Variants in TMEM71 observed in about 807,000 individuals in gnomAD.
TMEM71 encodes transmembrane protein 71.
TMEM71 carries 44 observed loss-of-function variants against 38.0 expected under a neutral mutation model. That is an observed-to-expected ratio of 1.16 (90% CI 0.91 to 1.49). The LOEUF is 1.49. Among genes scored for constraint, TMEM71 ranks in the 40% most tolerant of loss-of-function variants. TMEM71 has a pLI of 0.00. For missense variants in TMEM71, 367 were observed against 348.6 expected (o/e 1.05, Z -0.42); for synonymous variants, 133 against 122.5 (o/e 1.09, Z -0.56).
chr8:132,726,117 G>A (rs2131054256), intron 6 of TMEM71, among the ~76,000 whole-genome samples: 1 of 152,242 alleles, frequency 6.6e-6, no homozygotes, highest in East Asian at 1.9e-4. Context: ...TGCAAATAAT[G>A]GGCATGAGAA....
chr8:132,733,409 G>T (rs987392505), intron 5 of TMEM71, among the ~76,000 whole-genome samples: 12 of 152,162 alleles, frequency 7.9e-5, no homozygotes, highest in African/African-American at 2.9e-4. Flanking sequence ...GTCAGTATTT[G>T]CCACCACGGA....
chr8:132,764,682 G>A (rs1829342040), upstream of TMEM71, among the ~76,000 whole-genome samples: 1 of 152,156 alleles, frequency 6.6e-6, no homozygotes, highest in African/African-American at 2.4e-5. Context: ...CTTTCTGAAA[G>A]AGCTTTTTCT....
chr8:132,707,181 C>A (rs1826106297), downstream of TMEM71, among the ~76,000 whole-genome samples: 2 of 152,020 alleles, frequency 1.3e-5, no homozygotes, highest in South Asian at 2.1e-4. Flanking sequence ...CAAATAAAAC[C>A]AGGCAGAGCT....
At chr8:132,728,106 A>G (rs1827256378) in intron 5 of TMEM71, 120 bp from the exon 6 acceptor site, 9 of 718,346 alleles carry the variant, frequency 1.3e-5, no homozygotes, top group South Asian at 6.1e-5. Flanking sequence ...AGTAATATTG[A>G]TACGGTATTG....
At chr8:132,752,828 A>G (rs960697633) in intron 3 of TMEM71, among the ~76,000 whole-genome samples, 10 of 118,422 alleles carry the variant, frequency 8.4e-5, no homozygotes, top group Non-Finnish European at 1.4e-4. Flanking sequence ...GGGAAGGAAG[A>G]AAGGAAGGAA....
chr8:132,760,551 GT>G lies in TMEM71; in HGVS notation c.-113del, dbSNP rs1340620290. ...GAAGTTTTGTCTTCGGCAGCCTCTT[GT>G]TCTCTTGTCTGTTTCCTGGTATAAA... is the stretch of plus-strand genomic sequence containing the variant. On this transcript the variant is annotated 5_prime_UTR_variant, in exon 1 of 10. Coordinates refer to ENST00000677595, the MANE Select transcript of TMEM71 (RefSeq NM_001382403.1). 1 of 152,268 alleles carries G rather than the reference GT, an allele frequency of 6.6e-6. No homozygotes were observed. The highest frequency in any genetic ancestry group is 2.4e-5 in the African/African-American group (1 of 41,474). The allele number at this position is 152,268 out of a possible 1,614,324, so 9.4% of individuals were successfully genotyped here. A position where few individuals can be genotyped will look rare whatever the true frequency, so the allele number is the denominator to read the frequency against.
intron 5 of TMEM71, among the ~76,000 whole-genome samples, chr8:132,746,688 T>C (rs1586801653): frequency 1.3e-5 from 2 of 152,026 alleles, no homozygotes; most frequent in South Asian, 4.1e-4. Context: ...AGTGGAGATG[T>C]GCAAATATTT....
At chr8:132,757,036 G>C (rs995793688) in intron 3 of TMEM71, among the ~76,000 whole-genome samples, 198 bp downstream of exon 3, 3 of 147,252 alleles carry the variant, frequency 2.0e-5, no homozygotes, top group Non-Finnish European at 1.5e-5. Flanking sequence ...GCAGGGGCCC[G>C]CCACCACGCA....
intron 9 of TMEM71, among the ~76,000 whole-genome samples, chr8:132,712,509 T>C (rs1826287493): frequency 6.6e-6 from 1 of 152,134 alleles, no homozygotes; most frequent in African/African-American, 2.4e-5. Flanking sequence ...ACTGACCTCC[T>C]TGTGCTCCCC....
chr8:132,736,406 T>C (rs923553420), intron 5 of TMEM71, among the ~76,000 whole-genome samples: 1 of 151,248 alleles, frequency 6.6e-6, no homozygotes, highest in African/African-American at 2.4e-5. Context: ...CATGAGTGGG[T>C]GGGGTAGGAG....
chr8:132,749,823 G>A (rs1828595722), intron 4 of TMEM71, among the ~76,000 whole-genome samples: 2 of 152,010 alleles, frequency 1.3e-5, no homozygotes, highest in Non-Finnish European at 2.9e-5. Flanking sequence ...AGACCATCCT[G>A]GCCAACATGG....
At chr8:132,715,713 CTG>C (rs1826490961) in intron 7 of TMEM71, among the ~76,000 whole-genome samples, 1 of 152,138 alleles carries the variant, frequency 6.6e-6, no homozygotes, top group Admixed American at 6.5e-5. Context: ...TATAAACAAA[CTG>C]TGGTACATCC....
intron 5 of TMEM71, among the ~76,000 whole-genome samples, chr8:132,733,398 G>A (rs548438817): frequency 1.3e-5 from 2 of 152,118 alleles, no homozygotes; most frequent in South Asian, 4.1e-4. Flanking sequence ...AGAGAAAGTG[G>A]GTCAGTATTT....
intron 9 of TMEM71, 37 bp from the exon 10 acceptor site, chr8:132,711,019 A>C (rs1318093792): frequency 6.2e-7 from 1 of 1,602,100 alleles, no homozygotes; most frequent in Admixed American, 1.7e-5. Flanking sequence ...TGCATAATTC[A>C]TCCCCATGCA....
intron 6 of TMEM71, among the ~76,000 whole-genome samples, chr8:132,725,776 T>G (rs994113455): frequency 1.3e-5 from 2 of 152,002 alleles, no homozygotes; most frequent in African/African-American, 4.8e-5. Context: ...CAGAAGGGGG[T>G]AGAGAAGGTG....
At chr8:132,722,232 A>C in intron 6 of TMEM71, 117 bp from the exon 7 acceptor site, 2 of 729,958 alleles carry the variant, frequency 2.7e-6, no homozygotes, top group Admixed American at 5.4e-5. Flanking sequence ...AAGTTTTGGA[A>C]TGTATGTCAG....
the TMEM71 span, among the ~76,000 whole-genome samples, chr8:132,771,033 G>A: frequency 4.3e-4 from 66 of 152,314 alleles, no homozygotes; most frequent in East Asian, 0.011. Flanking sequence ...TAAAAATCAG[G>A]AGAGGTGCAA....
chr8:132,767,667 G>A, the TMEM71 span, among the ~76,000 whole-genome samples: 42,067 of 151,782 alleles, frequency 0.28, 6,653 homozygotes, highest in South Asian at 0.46. Flanking sequence ...TAGAGACGGG[G>A]TTTCACACCA....
chr8:132,717,198 C>A (rs1050639834), intron 7 of TMEM71, among the ~76,000 whole-genome samples: 1 of 151,900 alleles, frequency 6.6e-6, no homozygotes, highest in Admixed American at 6.6e-5. Context: ...AATGTGACAC[C>A]AAAAGCACAG....
Sources: allele counts gnomAD v4.1 joint callset (sites outside exome capture counted in the v4.1 genomes callset), GRCh38; gene constraint gnomAD v4.1.1; transcripts MANE v1.5; gene names NCBI Gene and HGNC (gene_info 2026-07-23, HGNC 2026-07-21).